The following SHISA9 variants were observed in gnomAD, a reference collection of about 807,000 sequenced individuals.
The protein encoded by SHISA9 is shisa family member 9.
A neutral mutation model predicts 38.0 loss-of-function variants in SHISA9; 13 were observed. That is an observed-to-expected ratio of 0.34 (90% confidence interval 0.22 to 0.54). The LOEUF (loss-of-function observed/expected upper bound fraction) is 0.54. Ranked by LOEUF, SHISA9 falls within the 20% of genes least tolerant of loss-of-function variation. SHISA9 has a pLI of 0.91. For missense variants in SHISA9, 538 were observed against 575.8 expected (o/e 0.93, Z 0.67); for synonymous variants, 275 against 242.0 (o/e 1.14, Z -1.27).
the SHISA9 span, among the ~76,000 whole-genome samples, chr16:13,256,268 G>GTA: frequency 0.72 from 108,828 of 151,900 alleles, 39,158 homozygotes; most frequent in Admixed American, 0.79. Flanking sequence ...ACAGCATATT[G>GTA]TATATGTGTA....
the SHISA9 span, among the ~76,000 whole-genome samples, chr16:13,440,232 G>A: frequency 3.2e-4 from 48 of 152,194 alleles, 1 homozygote; most frequent in Admixed American, 2.7e-3. Flanking sequence ...TCCTCAGAAG[G>A]AAGCCTCTCC....
chr16:12,994,919 T>A (rs1489702154), intron 2 of SHISA9, among the ~76,000 whole-genome samples: 1 of 152,138 alleles, frequency 6.6e-6, no homozygotes, highest in Non-Finnish European at 1.5e-5. Flanking sequence ...AGTGGAGATA[T>A]CAAGTCCACA....
the SHISA9 span, among the ~76,000 whole-genome samples, chr16:13,513,111 T>C: frequency 6.6e-6 from 1 of 152,248 alleles, no homozygotes; most frequent in Non-Finnish European, 1.5e-5. Context: ...TATACCCATC[T>C]GACAAAGATC....
the SHISA9 span, among the ~76,000 whole-genome samples, chr16:13,371,966 T>C: frequency 6.6e-6 from 1 of 152,240 alleles, no homozygotes; most frequent in East Asian, 1.9e-4. Context: ...CCCATTTCTC[T>C]TGCCTGCCTT....
At chr16:12,958,441 A>G (rs574069836) in intron 2 of SHISA9, among the ~76,000 whole-genome samples, 1 of 152,356 alleles carries the variant, frequency 6.6e-6, no homozygotes, top group South Asian at 2.1e-4. Flanking sequence ...CCTGAAGCCC[A>G]AATCTCTGCT....
At chr16:13,081,751 G>T (rs769549907) in intron 2 of SHISA9, among the ~76,000 whole-genome samples, 48 of 151,806 alleles carry the variant, frequency 3.2e-4, no homozygotes, top group South Asian at 2.1e-3. Context: ...TACTCAGGAG[G>T]CTGAGGCAGA....
intron 2 of SHISA9, among the ~76,000 whole-genome samples, chr16:13,115,576 T>C (rs775268526): frequency 1.3e-5 from 2 of 152,196 alleles, no homozygotes; most frequent in Non-Finnish European, 2.9e-5. Context: ...CCTTCCAGCT[T>C]GGGCGTTAGG....
intron 2 of SHISA9, among the ~76,000 whole-genome samples, chr16:12,947,081 G>T (rs559079400): frequency 6.6e-6 from 1 of 152,276 alleles, no homozygotes; most frequent in Admixed American, 6.5e-5. Flanking sequence ...AATAAGAGGG[G>T]TTCACTGTAA....
chr16:13,526,641 C>G, the SHISA9 span, among the ~76,000 whole-genome samples: 91 of 152,302 alleles, frequency 6.0e-4, no homozygotes, highest in South Asian at 2.7e-3. Flanking sequence ...CTGCCTCGGC[C>G]TCCCAAAGTG....
the SHISA9 span, among the ~76,000 whole-genome samples, chr16:13,403,545 A>T: frequency 6.6e-6 from 1 of 152,166 alleles, no homozygotes; most frequent in Admixed American, 6.5e-5. Context: ...CCTAATCTCT[A>T]TTGGGTTTGA....
At chr16:13,234,932 T>G in intron 4 of SHISA9, 98 bp from the exon 5 acceptor site, 1 of 1,400,276 alleles carries the variant, frequency 7.1e-7, no homozygotes, top group Non-Finnish European at 9.5e-7. Flanking sequence ...TTTATGCTGT[T>G]CTTGGGTTGA....
chr16:13,225,000 T>C (rs542957212), intron 4 of SHISA9, among the ~76,000 whole-genome samples: 1 of 152,300 alleles, frequency 6.6e-6, no homozygotes, highest in Non-Finnish European at 1.5e-5. Context: ...ATAGAGTCTT[T>C]GCAGAGGTCA....
intron 2 of SHISA9, among the ~76,000 whole-genome samples, chr16:13,104,753 T>C (rs2073910212): frequency 6.6e-6 from 1 of 152,160 alleles, no homozygotes; most frequent in Non-Finnish European, 1.5e-5. Flanking sequence ...GTGCTGAAAA[T>C]GTTCTAAAAC....
chr16:13,049,466 C>T (rs953351949), intron 2 of SHISA9, among the ~76,000 whole-genome samples: 1 of 152,070 alleles, frequency 6.6e-6, no homozygotes, highest in African/African-American at 2.4e-5. Context: ...CAGGAAATGA[C>T]CTAGCTTGGC....
At position 13,236,790 on chromosome 16, in the gene SHISA9, C is replaced by G. The variant is rs530349374; in HGVS notation, c.*1381C>G. On this transcript the variant is annotated 3_prime_UTR_variant, in exon 5 of 5. Coordinates refer to ENST00000558583, the MANE Select transcript of SHISA9 (RefSeq NM_001145204.3). The stretch of plus-strand genomic sequence containing the variant: ...CTATCAAAATTAGTCCTTCCATTTT[C>G]TAGCCCTCTCAAACCTGTCAGATGT... 6.6e-6 allele frequency: 1 copy of G among 152,254 alleles called. No homozygotes were observed. Among genetic ancestry groups the G allele is most frequent in the African/African-American group, 2.4e-5 (1 of 41,460 alleles). 9.4% of individuals were successfully genotyped at this position (152,254 alleles called of 1,614,324 possible). A position where few individuals can be genotyped will look rare whatever the true frequency, so the allele number is the denominator to read the frequency against.
the SHISA9 span, among the ~76,000 whole-genome samples, chr16:13,469,365 AAAAGAAAGAAAGAAAG>A: frequency 0.019 from 1,245 of 64,350 alleles, 23 homozygotes; most frequent in East Asian, 0.039. Flanking sequence ...AAAGAAAAGA[AAAAGAAAGAAAGAAAG>A]AAAGAAAGAA....
At chr16:13,084,124 C>G (rs1015381648) in intron 2 of SHISA9, among the ~76,000 whole-genome samples, 5 of 152,118 alleles carry the variant, frequency 3.3e-5, no homozygotes, top group Non-Finnish European at 7.4e-5. Context: ...AGGCTAGTTT[C>G]TTATAAATTA....
the SHISA9 span, among the ~76,000 whole-genome samples, chr16:13,441,817 G>A: frequency 6.6e-6 from 1 of 152,160 alleles, no homozygotes; most frequent in African/African-American, 2.4e-5. Context: ...CAGCACCCCA[G>A]CCTCAGAGCT....
At chr16:13,381,936 C>G in the SHISA9 span, among the ~76,000 whole-genome samples, 1 of 151,810 alleles carries the variant, frequency 6.6e-6, no homozygotes, top group African/African-American at 2.4e-5. Context: ...AGAGAGTGTT[C>G]CCAGACACAA....
Sources: gnomAD v4.1 joint callset for allele counts (sites outside exome capture counted in the v4.1 genomes callset) on GRCh38, gnomAD v4.1.1 for gene constraint, MANE v1.5 for transcripts, NCBI Gene and HGNC (gene_info 2026-07-23, HGNC 2026-07-21) for gene names.